Variants in SLC17A3 observed in about 807,000 individuals in gnomAD.
SLC17A3 encodes the protein sodium-dependent phosphate transport protein 4.
In SLC17A3, 61 loss-of-function variants were observed where a neutral mutation model predicts 60.3. The observed-to-expected ratio is 1.01, with a 90% CI of 0.82 to 1.25. SLC17A3 has a LOEUF of 1.25. Among genes scored for constraint, SLC17A3 ranks in the 50% most tolerant of loss-of-function variants. SLC17A3 has a pLI of 0.00. For synonymous variants in SLC17A3, 192 were observed against 208.9 expected, an observed-to-expected ratio of 0.92 and a Z score of 0.70; for missense variants, 624 against 594.9, an observed-to-expected ratio of 1.05 and a Z score of -0.51.
intron 1 of SLC17A3, among the ~76,000 whole-genome samples, chr6:25,869,321 A>G (rs1242167607): frequency 1.3e-5 from 2 of 151,980 alleles, no homozygotes; most frequent in Non-Finnish European, 2.9e-5. Context: ...CTCAAAATAT[A>G]TAACTGCTTC....
chr6:25,872,490 C>A (rs1268581181), intron 1 of SLC17A3, among the ~76,000 whole-genome samples: 1 of 150,424 alleles, frequency 6.6e-6, no homozygotes, highest in Non-Finnish European at 1.5e-5. Flanking sequence ...TCTATATCCA[C>A]AAAGACACAA....
At chr6:25,849,532 A>C in intron 10 of SLC17A3, 68 bp from the exon 11 acceptor site, 1 of 945,730 alleles carries the variant, frequency 1.1e-6, no homozygotes, top group Non-Finnish European at 1.7e-6. Context: ...GCCCTGATCC[A>C]TGTATGAATC....
intron 1 of SLC17A3, among the ~76,000 whole-genome samples, chr6:25,871,054 G>C (rs1321986978): frequency 6.6e-6 from 1 of 151,976 alleles, no homozygotes; most frequent in Non-Finnish European, 1.5e-5. Context: ...CTGTAAACTA[G>C]TTCAACCATT....
intron 11 of SLC17A3, among the ~76,000 whole-genome samples, chr6:25,847,773 G>T (rs1326235192): frequency 6.6e-6 from 1 of 150,758 alleles, no homozygotes; most frequent in Admixed American, 6.6e-5. Context: ...TAGGTTTTTG[G>T]GGAACAGGTG....
intron 5 of SLC17A3, 45 bp downstream of exon 5, chr6:25,861,579 A>G (rs759603958): frequency 6.6e-7 from 1 of 1,506,692 alleles, no homozygotes; most frequent in East Asian, 2.3e-5. Flanking sequence ...ACCCAGTGGG[A>G]AAATGTTGGA....
rs1765466270 is a variant in SLC17A3, at chr6:25,862,400, G to T, written c.136C>A (p.His46Asn). The stretch of plus-strand genomic sequence containing the variant: ...GCTATCGTTGTGAAATTGCAGAAAT[G>T]TAAGACGAGGGCTATTCCATAGCGA... The part of the protein sequence containing the change: ...SARYGIALVL[H>N]FCNFTTIAQN... The change falls in exon 3 of 13, where the codon CAT (histidine) becomes AAT (asparagine). Residue 46 changes from histidine to asparagine, a missense_variant. By Grantham distance (68) the His-to-Asn change is moderately conservative (BLOSUM62 1). Coordinates refer to ENST00000397060, the MANE Select transcript of SLC17A3 (RefSeq NM_001098486.2). 6.2e-7 allele frequency: 1 copy of T among 1,613,676 alleles called. No individual in the cohort carries two copies.
chr6:25,863,873 C>T (rs1471652198), intron 2 of SLC17A3, among the ~76,000 whole-genome samples: 1 of 152,062 alleles, frequency 6.6e-6, no homozygotes, highest in Non-Finnish European at 1.5e-5. Context: ...TCAATCACCT[C>T]CAATATTGGG....
At chr6:25,853,357 T>A (rs115754749) in intron 6 of SLC17A3, among the ~76,000 whole-genome samples, 1,616 of 151,538 alleles carry the variant, frequency 0.011, 26 homozygotes, top group African/African-American at 0.034. Context: ...TAACCAATTG[T>A]AAATTGAACA....
At chr6:25,870,762 C>A (rs1054368944) in intron 1 of SLC17A3, among the ~76,000 whole-genome samples, 2 of 152,006 alleles carry the variant, frequency 1.3e-5, no homozygotes, top group Non-Finnish European at 2.9e-5. Flanking sequence ...GTATTTCTGT[C>A]ATAAACAGGA....
chr6:25,849,684 A>G (rs1440721154), intron 10 of SLC17A3, 121 bp downstream of exon 10: 5 of 1,183,456 alleles, frequency 4.2e-6, no homozygotes, highest in Non-Finnish European at 6.2e-6. Flanking sequence ...AAACGGCCAC[A>G]GGTCTATCTG....
At chr6:25,873,579 G>A (rs537079313) in intron 1 of SLC17A3, among the ~76,000 whole-genome samples, 1 of 152,118 alleles carries the variant, frequency 6.6e-6, no homozygotes, top group East Asian at 1.9e-4. Flanking sequence ...TCTGGTGACT[G>A]TCCCATTGCC....
At chr6:25,850,952 T>A (rs1765267069) in intron 6 of SLC17A3, 75 bp from the exon 7 acceptor site, 2 of 1,065,268 alleles carry the variant, frequency 1.9e-6, no homozygotes, top group Admixed American at 3.4e-5. Context: ...GTTGGGATAT[T>A]TTCTGTTATA....
Position 25,850,854 on chromosome 6 carries a change from G to A in SLC17A3, c.736C>T (p.Leu246Phe). 6.2e-7 allele frequency: 1 copy of A among 1,614,072 alleles called. No individual in the cohort carries two copies. The highest frequency in any genetic ancestry group is 8.5e-7 in the Non-Finnish European group (1 of 1,179,944). The change falls in exon 7 of 13, where the codon CTT becomes TTT. Residue 246 changes from leucine (L) to phenylalanine (F), a missense_variant. Transcript: ENST00000397060. ...TCATAAATCACAACAAACCAGAGAA[G>A]GCAGCAGACACAGCCAACACCTCCT... ...IFGGVGCVCC[L>F]LWFVVIYDDP...
At chr6:25,857,629 A>G (rs982483688) in intron 5 of SLC17A3, among the ~76,000 whole-genome samples, 12 of 152,116 alleles carry the variant, frequency 7.9e-5, no homozygotes, top group African/African-American at 2.4e-4. Context: ...AGTCAGATTT[A>G]TAATTGAGTA....
chr6:25,847,181 T>G (rs1288252191), intron 11 of SLC17A3, among the ~76,000 whole-genome samples: 2 of 152,160 alleles, frequency 1.3e-5, no homozygotes, highest in African/African-American at 4.8e-5. Context: ...TGGTATTTGG[T>G]TTTCTGTTCC....
At chr6:25,861,329 T>A (rs1036653894) in intron 5 of SLC17A3, among the ~76,000 whole-genome samples, 3 of 152,142 alleles carry the variant, frequency 2.0e-5, no homozygotes, top group Non-Finnish European at 2.9e-5. Flanking sequence ...GAGTTTTTTT[T>A]ATAACCTTTC....
rs74852087 is a variant in SLC17A3, at chr6:25,852,126, G to A, written c.713-1249C>T. Among the ~76,000 whole-genome samples, 1,320 of 151,482 alleles carry A rather than the reference G, an allele frequency of 8.7e-3. 13 individuals are homozygous for A. The highest frequency in any genetic ancestry group is 0.037 in the South Asian group (176 of 4,806). On this transcript the variant is annotated intron_variant, in intron 6 of 12. Coordinates refer to ENST00000397060, the MANE Select transcript of SLC17A3 (RefSeq NM_001098486.2). ...AGATTTTGGTTTTTGTTTCTGTTTC[G>A]GTTTGTTTTTTTGCACTACTTTAAA...
intron 8 of SLC17A3, 86 bp from the exon 9 acceptor site, chr6:25,850,263 C>A: frequency 2.1e-6 from 3 of 1,454,744 alleles, no homozygotes; most frequent in Non-Finnish European, 2.8e-6. Context: ...ATAATAATGA[C>A]ATTCTGAAAT....
rs998070204 is a variant in SLC17A3 at position 25,862,542 on chromosome 6, T to C, written c.92-98A>G. The C allele has an allele frequency of 7.3e-6, 7 of 955,486 alleles. No individual in the cohort carries two copies. In the African/African-American group the frequency reaches 9.7e-5, roughly 13 times the overall value. The allele number at this position is 955,486 out of a possible 1,614,324, so 59.2% of individuals were successfully genotyped here. A position where few individuals can be genotyped will look rare whatever the true frequency, so the allele number is the denominator to read the frequency against. ...TAAAAAGTACCTGATCACTTAACGATTTAAATCATTACTTAAATGACACTT... is the reference window on the plus strand; with the variant it reads ...TAAAAAGTACCTGATCACTTAACGACTTAAATCATTACTTAAATGACACTT... On this transcript the variant is annotated intron_variant, in intron 2 of 12. Transcript: ENST00000397060.
Sources: allele counts gnomAD v4.1 joint callset (sites outside exome capture counted in the v4.1 genomes callset), GRCh38; gene constraint gnomAD v4.1.1; transcripts MANE v1.5; gene names NCBI Gene and HGNC (gene_info 2026-07-23, HGNC 2026-07-21).